RASGEF1B: variants seen among roughly 807,000 people sequenced by gnomAD.
RASGEF1B encodes ras-GEF domain-containing family member 1B.
A neutral mutation model predicts 65.7 loss-of-function variants in RASGEF1B; 30 were observed. That is an observed-to-expected ratio of 0.46 (90% CI 0.34 to 0.62). The LOEUF is 0.62. Ranked by LOEUF, RASGEF1B falls within the 20% of genes least tolerant of loss-of-function variation. The pLI, the probability that RASGEF1B is intolerant of heterozygous loss-of-function variation, is 0.01. For missense variants in RASGEF1B, 495 were observed against 580.1 expected (o/e 0.85, Z 1.51); for synonymous variants, 175 against 194.8 (o/e 0.90, Z 0.85).
At chr4:81,460,937 C>T (rs1722620799) in intron 1 of RASGEF1B, among the ~76,000 whole-genome samples, 1 of 152,156 alleles carries the variant, frequency 6.6e-6, no homozygotes. Flanking sequence ...CTACTAGGGT[C>T]ACTGGCCCCA....
Position 81,431,186 on chromosome 4 carries a change from G to A in RASGEF1B, c.1397+1113C>T, listed in dbSNP as rs184749823. ...AGTGAAATATTTTAATACAAACACAGAGTAATACAAAATTTTAATTGAAAT... is the reference window on the plus strand; with the variant it reads ...AGTGAAATATTTTAATACAAACACAAAGTAATACAAAATTTTAATTGAAAT... On this transcript the variant is annotated intron_variant, in intron 13 of 13. Coordinates refer to ENST00000264400, the MANE Select transcript of RASGEF1B (RefSeq NM_152545.3). 2.7e-3 allele frequency among the ~76,000 whole-genome samples: 411 copies of A among 151,198 alleles called. 5 individuals are homozygous for A. Among genetic ancestry groups the A allele is most frequent in the African/African-American group, 9.4e-3 (390 of 41,332 alleles).
intron 10 of RASGEF1B, among the ~76,000 whole-genome samples, chr4:81,439,309 A>G (rs780201645): frequency 2.0e-5 from 3 of 152,144 alleles, no homozygotes; most frequent in Admixed American, 6.5e-5. Flanking sequence ...CATTTGTTTT[A>G]TGAACTACAG....
chr4:81,441,333 A>G (rs1310662912), intron 9 of RASGEF1B, among the ~76,000 whole-genome samples: 3 of 152,164 alleles, frequency 2.0e-5, no homozygotes, highest in Non-Finnish European at 4.4e-5. Flanking sequence ...AAATAATTGA[A>G]GCATATCATT....
At position 81,433,981 on chromosome 4, in the gene RASGEF1B, AAAG is replaced by A. The variant is rs1560693528; in HGVS notation, c.1201-21_1201-19del. On this transcript the variant is annotated intron_variant, in intron 11 of 13. Transcript: ENST00000264400. Reference sequence around the variant, plus strand: ...CAAAATTTCTGGAAGATAAGTAAAAAAAGAATATAAAGGTGATCATAAAAAAAT... The same window carrying A: ...CAAAATTTCTGGAAGATAAGTAAAAAAATATAAAGGTGATCATAAAAAAAT... 2.5e-6 allele frequency: 4 copies of A among 1,601,984 alleles called. No individual in the cohort carries two copies. In the South Asian group the frequency reaches 4.4e-5, roughly 18 times the overall value.
At chr4:81,462,881 AC>A (rs1411723193) in intron 1 of RASGEF1B, among the ~76,000 whole-genome samples, 3 of 151,950 alleles carry the variant, frequency 2.0e-5, no homozygotes, top group Non-Finnish European at 2.9e-5. Context: ...TTCTACAACC[AC>A]CTCATCTGGC....
intron 10 of RASGEF1B, among the ~76,000 whole-genome samples, chr4:81,436,213 A>G (rs1721628393): frequency 6.6e-6 from 1 of 152,108 alleles, no homozygotes; most frequent in East Asian, 1.9e-4. Context: ...GACATTCCTC[A>G]AGATAATGTG....
At position 81,456,897 on chromosome 4, in the gene RASGEF1B, G is replaced by A. The variant is rs140028608; in HGVS notation, c.301-109C>T. 447 of 996,868 alleles carry A rather than the reference G, an allele frequency of 4.5e-4. 8 individuals are homozygous for A. In the East Asian group the frequency reaches 0.01, roughly 23 times the overall value. 61.8% of individuals were successfully genotyped at this position (996,868 alleles called of 1,614,324 possible). A position where few individuals can be genotyped will look rare whatever the true frequency, so the allele number is the denominator to read the frequency against. On this transcript the variant is annotated intron_variant, in intron 3 of 13. Transcript: ENST00000264400. ...GAAACTTCTAGTGCAAAGTCTTTAGGGATGAAGAAGAAGCTCCAGCCCCCC... is the reference window on the plus strand; with the variant it reads ...GAAACTTCTAGTGCAAAGTCTTTAGAGATGAAGAAGAAGCTCCAGCCCCCC...
chr4:81,436,167 C>CT (rs961490066), intron 10 of RASGEF1B, among the ~76,000 whole-genome samples: 5 of 151,272 alleles, frequency 3.3e-5, no homozygotes, highest in Non-Finnish European at 5.9e-5. Flanking sequence ...TTAAGATAAA[C>CT]TTTTTTTTTA....
Position 81,456,631 on chromosome 4 carries a change from G to A in RASGEF1B, c.438+20C>T, listed in dbSNP as rs375075392. On this transcript the variant is annotated intron_variant, in intron 4 of 13. Transcript: ENST00000264400. ...TCTGCCTGGGAATTCCAGCAGCCGCGCTAAATTCAGGTTACCAACCTCTTC... is the reference window on the plus strand; with the variant it reads ...TCTGCCTGGGAATTCCAGCAGCCGCACTAAATTCAGGTTACCAACCTCTTC... 8 of 1,613,300 alleles carry A rather than the reference G, an allele frequency of 5.0e-6. No individual in the cohort carries two copies. Among genetic ancestry groups the A allele is most frequent in the East Asian group, 2.2e-5 (1 of 44,870 alleles).
chr4:81,467,752 A>G (rs1483881264), intron 1 of RASGEF1B, among the ~76,000 whole-genome samples: 1 of 152,246 alleles, frequency 6.6e-6, no homozygotes, highest in East Asian at 1.9e-4. Flanking sequence ...GTGAAGACGT[A>G]CTGGCTAATA....
chr4:81,433,887 C>A lies in RASGEF1B; in HGVS notation c.1277G>T (p.Arg426Leu). 6.2e-7 allele frequency: 1 copy of A among 1,614,000 alleles called. No individual in the cohort carries two copies. The change falls in exon 12 of 14, where the codon CGG (arginine) becomes CTG (leucine). Residue 426 changes from arginine to leucine, a missense_variant. Physicochemically the swap from Arg to Leu is moderately radical, Grantham distance 102. Transcript: ENST00000264400. ...TGTGAGCAGATACTGCAAGATCTTC[C>A]GGTCCCTCTCAAATGGACACTCCAC... ...KQVECPFERD[R>L]KILQYLLTVP...
In RASGEF1B at chr4:81,434,643, A is replaced by G; in HGVS notation, c.1196T>C (p.Phe399Ser). 1 of 1,582,752 alleles carries G rather than the reference A, an allele frequency of 6.3e-7. No homozygotes were observed. The highest frequency in any genetic ancestry group is 1.1e-5 in the South Asian group (1 of 90,408). Residue 399 changes from phenylalanine (F) to serine (S), a missense_variant, in exon 11 of 14, where the codon TTT (phenylalanine) becomes TCT (serine). Phe to Ser is a radical substitution (Grantham distance 155). Transcript: ENST00000264400. ...ATCCTACTTTATCACACTCACCTCA[A>G]AATTGACATGGCCATTGGGAAGGCG... ...ANRLPNGHVN[F>S]EKFWELAKQV...
At chr4:81,441,567 G>C (rs1172830740) in intron 9 of RASGEF1B, among the ~76,000 whole-genome samples, 2 of 147,234 alleles carry the variant, frequency 1.4e-5, no homozygotes, top group African/African-American at 2.5e-5. Flanking sequence ...TTTGAGACAG[G>C]GTCTCACTTT....
At position 81,444,538 on chromosome 4, in the gene RASGEF1B, T is replaced by A. The variant is rs142455494; in HGVS notation, c.928+988A>T. Among the ~76,000 whole-genome samples the A allele has an allele frequency of 9.9e-4, 150 of 152,260 alleles. 1 individual carries two copies. The highest frequency in any genetic ancestry group is 3.4e-3 in the African/African-American group (141 of 41,562). ...CTTCGAAAAGACCTCAACTCTCTTC[T>A]TCTTCTTCCTTTTTTTTTAGACGGA... On this transcript the variant is annotated intron_variant, in intron 8 of 13. Coordinates refer to ENST00000264400, the MANE Select transcript of RASGEF1B (RefSeq NM_152545.3).
Position 81,432,351 on chromosome 4 carries a change from C to G in RASGEF1B, c.1345G>C (p.Glu449Gln), listed in dbSNP as rs772952492. The G allele has an allele frequency of 6.2e-7, 1 of 1,608,644 alleles. No individual in the cohort carries two copies. Among genetic ancestry groups the G allele is most frequent in the Non-Finnish European group, 8.5e-7 (1 of 1,175,592 alleles). ...ATATGATTTTCAGGTCCTTCACTCT[C>G]ATAAGAAGCCAAGTAGAGAGCTACA... Reference protein sequence around the residue: ...SEDALYLASYESEGPENHIEK... With the variant: ...SEDALYLASYQSEGPENHIEK... Residue 449 changes from glutamate (E) to glutamine (Q), a missense_variant, in exon 13 of 14, where the codon GAG (glutamate) becomes CAG (glutamine). Glu to Gln is a conservative substitution (Grantham distance 29, BLOSUM62 2). Transcript: ENST00000264400.
intron 1 of RASGEF1B, among the ~76,000 whole-genome samples, chr4:81,466,056 T>A (rs778483400): frequency 7.9e-5 from 12 of 152,200 alleles, no homozygotes; most frequent in Non-Finnish European, 1.8e-4. Context: ...TGTGTCCCAA[T>A]TAAAGAAAAG....
chr4:81,432,415 C>T, intron 12 of RASGEF1B, 44 bp from the exon 13 acceptor site: 1 of 1,242,318 alleles, frequency 8.0e-7, no homozygotes, highest in Non-Finnish European at 1.2e-6. Context: ...AAAGCCTTCT[C>T]CTGATATATT....
chr4:81,446,576 A>G (rs1211311214), intron 6 of RASGEF1B, among the ~76,000 whole-genome samples: 1 of 152,212 alleles, frequency 6.6e-6, no homozygotes, highest in African/African-American at 2.4e-5. Context: ...CTTAAAATTA[A>G]GCATAGGACA....
At chr4:81,442,213 T>C (rs532003626) in intron 9 of RASGEF1B, 84 bp downstream of exon 9, 3 of 900,928 alleles carry the variant, frequency 3.3e-6, no homozygotes, top group East Asian at 4.8e-5. Context: ...TGTCGTAGTC[T>C]GATGGAGAGG....
Sources: gnomAD v4.1 joint callset for allele counts (sites outside exome capture counted in the v4.1 genomes callset) on GRCh38, gnomAD v4.1.1 for gene constraint, MANE v1.5 for transcripts, NCBI Gene and HGNC (gene_info 2026-07-23, HGNC 2026-07-21) for gene names.